PARD3: variants seen among roughly 807,000 people sequenced by gnomAD.
PARD3 encodes the protein partitioning defective 3 homolog.
In PARD3, 75 loss-of-function variants were observed where a neutral mutation model predicts 155.4. The observed-to-expected ratio is 0.48, with a 90% confidence interval of 0.40 to 0.58. PARD3 has a LOEUF of 0.58. Among genes scored for constraint, PARD3 ranks in the 20% least tolerant of loss-of-function variants. PARD3 has a pLI of 0.00. For missense variants in PARD3, 1,642 were observed against 1,721.7 expected (o/e 0.95, Z 0.82); for synonymous variants, 576 against 610.5 (o/e 0.94, Z 0.83).
Position 34,814,853 on chromosome 10 carries a change from CGCCCGCG to C in PARD3, c.120+16_120+22del. The C allele has an allele frequency of 6.8e-7, 1 of 1,467,614 alleles. No homozygotes were observed. Among genetic ancestry groups the C allele is most frequent in the Non-Finnish European group, 9.2e-7 (1 of 1,092,596 alleles). The allele number at this position is 1,467,614 out of a possible 1,614,324, so 90.9% of individuals were successfully genotyped here. ...GCCGTCCCCGCCGCCGCCCCCTCCC[CGCCCGCG>C]CCCCCGGCCCCTCACCTTGGCGATG... On this transcript the variant is annotated intron_variant, in intron 1 of 24. Transcript: ENST00000374788.
chr10:34,459,325 C>T (rs1338000965), intron 4 of PARD3, among the ~76,000 whole-genome samples: 2 of 151,816 alleles, frequency 1.3e-5, no homozygotes, highest in Non-Finnish European at 2.9e-5. Flanking sequence ...CACCACCATG[C>T]CCAGCTAATT....
intron 2 of PARD3, among the ~76,000 whole-genome samples, chr10:34,668,451 C>T (rs2093543819): frequency 6.6e-6 from 1 of 152,170 alleles, no homozygotes; most frequent in Non-Finnish European, 1.5e-5. Context: ...AGTCATCTAT[C>T]ACAGTTCACA....
chr10:34,466,836 T>G (rs948281185), intron 4 of PARD3, among the ~76,000 whole-genome samples: 1 of 152,118 alleles, frequency 6.6e-6, no homozygotes, highest in Non-Finnish European at 1.5e-5. Flanking sequence ...CTAATCATAT[T>G]TATATATGAG....
chr10:34,375,121 G>C, intron 10 of PARD3, 119 bp from the exon 11 acceptor site: 1 of 732,170 alleles, frequency 1.4e-6, no homozygotes, highest in East Asian at 2.7e-5. Context: ...ATCTGCTATG[G>C]AACATAACTC....
rs141567967 is a variant in PARD3 at position 34,314,530 on chromosome 10, T to C, written c.3065+2577A>G. 3.8e-3 allele frequency among the ~76,000 whole-genome samples: 578 copies of C among 152,324 alleles called. 3 individuals carry two copies. The highest frequency in any genetic ancestry group is 6.5e-3 in the Non-Finnish European group (439 of 68,026). On this transcript the variant is annotated intron_variant, in intron 20 of 24. Coordinates refer to ENST00000374788, the MANE Select transcript of PARD3 (RefSeq NM_001184785.2). ...CCATGCCCAGGGGCACTAGACAAGATGCTGCCACTCTGGTCAAAGGTATTT... is the reference window on the plus strand; with the variant it reads ...CCATGCCCAGGGGCACTAGACAAGACGCTGCCACTCTGGTCAAAGGTATTT...
chr10:34,700,874 T>C (rs1355840227), intron 1 of PARD3, among the ~76,000 whole-genome samples: 1 of 151,960 alleles, frequency 6.6e-6, no homozygotes, highest in Non-Finnish European at 1.5e-5. Context: ...CTTTCTCCTG[T>C]AGTCCCAGGA....
chr10:34,571,305 C>T (rs115785154), intron 2 of PARD3, among the ~76,000 whole-genome samples: 294 of 152,168 alleles, frequency 1.9e-3, no homozygotes, highest in African/African-American at 6.5e-3. Context: ...CAGAGGAAGA[C>T]CCCGTCTTAA....
intron 2 of PARD3, among the ~76,000 whole-genome samples, chr10:34,570,019 A>G (rs2086262671): frequency 6.6e-6 from 1 of 152,216 alleles, no homozygotes; most frequent in Non-Finnish European, 1.5e-5. Context: ...ACAGAGACAA[A>G]TATTAGGCTC....
intron 2 of PARD3, among the ~76,000 whole-genome samples, chr10:34,597,209 C>G (rs965981723): frequency 2.0e-5 from 3 of 152,110 alleles, no homozygotes; most frequent in Admixed American, 6.6e-5. Flanking sequence ...GGCATGGCAG[C>G]TGCTGCTCAG....
At chr10:34,614,247 G>C (rs970934906) in intron 2 of PARD3, among the ~76,000 whole-genome samples, 3 of 152,180 alleles carry the variant, frequency 2.0e-5, no homozygotes, top group African/African-American at 7.2e-5. Flanking sequence ...AAATCTCTCA[G>C]AGGAAGGACC....
At chr10:34,333,278 G>T (rs1197878241) in intron 18 of PARD3, among the ~76,000 whole-genome samples, 1 of 152,014 alleles carries the variant, frequency 6.6e-6, no homozygotes, top group African/African-American at 2.4e-5. Flanking sequence ...TTAGTGTACT[G>T]ACAGCAATAA....
chr10:34,653,023 A>AAAC (rs373425583), intron 2 of PARD3, among the ~76,000 whole-genome samples: 68 of 152,248 alleles, frequency 4.5e-4, no homozygotes, highest in Non-Finnish European at 3.8e-4. Flanking sequence ...GACTCGCAAA[A>AAAC]AACAACAACA....
intron 2 of PARD3, among the ~76,000 whole-genome samples, chr10:34,538,237 G>T (rs2083351891): frequency 6.6e-6 from 1 of 152,154 alleles, no homozygotes; most frequent in South Asian, 2.1e-4. Flanking sequence ...GGTAAGTTAG[G>T]GTTCCTAGCA....
At chr10:34,351,225 G>T (rs116772606) in intron 14 of PARD3, among the ~76,000 whole-genome samples, 1 of 151,830 alleles carries the variant, frequency 6.6e-6, no homozygotes, top group Non-Finnish European at 1.5e-5. Context: ...CTGGTGATTG[G>T]CAAGATCATA....
intron 3 of PARD3, among the ~76,000 whole-genome samples, chr10:34,482,781 G>A (rs1260944503): frequency 6.6e-6 from 1 of 151,646 alleles, no homozygotes; most frequent in Admixed American, 6.6e-5. Context: ...ACTGAGAGAA[G>A]AAAAAAGAAG....
chr10:34,580,953 T>C (rs2087393494), intron 2 of PARD3, among the ~76,000 whole-genome samples: 1 of 152,200 alleles, frequency 6.6e-6, no homozygotes, highest in African/African-American at 2.4e-5. Flanking sequence ...AACACATTAA[T>C]CATTTAATTT....
chr10:34,370,108 C>T (rs1840427635), intron 12 of PARD3, among the ~76,000 whole-genome samples: 1 of 152,214 alleles, frequency 6.6e-6, no homozygotes, highest in African/African-American at 2.4e-5. Context: ...AAGAGAGGCA[C>T]AGATGTGAGA....
intron 3 of PARD3, among the ~76,000 whole-genome samples, chr10:34,472,502 G>C (rs1316440763): frequency 6.6e-6 from 1 of 152,132 alleles, no homozygotes; most frequent in African/African-American, 2.4e-5. Context: ...CAACAAAATG[G>C]GGAGAGGTGG....
intron 2 of PARD3, among the ~76,000 whole-genome samples, chr10:34,652,251 T>C (rs2093035087): frequency 6.6e-6 from 1 of 152,200 alleles, no homozygotes; most frequent in African/African-American, 2.4e-5. Context: ...GTGTGTGATT[T>C]TGGGACAGGT....
Sources: gnomAD v4.1 joint callset for allele counts (sites outside exome capture counted in the v4.1 genomes callset) on GRCh38, gnomAD v4.1.1 for gene constraint, MANE v1.5 for transcripts, NCBI Gene and HGNC (gene_info 2026-07-23, HGNC 2026-07-21) for gene names.